Variants in VCAN observed in about 807,000 individuals in gnomAD.
The protein encoded by VCAN is versican core protein.
VCAN carries 44 observed loss-of-function variants against 245.5 expected under a neutral mutation model. The ratio of observed to expected loss-of-function variants is 0.18; its 90% CI spans 0.14 to 0.23. The LOEUF is 0.23. VCAN is among the 10% of genes least tolerant of loss of function. VCAN has a pLI of 1.00. For missense variants in VCAN, 3,793 were observed against 4,057.9 expected, an observed-to-expected ratio of 0.93 and a Z score of 1.77; for synonymous variants, 1,413 against 1,437.0, an observed-to-expected ratio of 0.98 and a Z score of 0.38.
At position 83,540,925 on chromosome 5, in the gene VCAN, ATGTTCTGGCTAGCTACACTCAGG is replaced by A; in HGVS notation, c.7923_7945del (p.Val2642AsnfsTer3). The A allele has an allele frequency of 6.2e-7, 1 of 1,614,002 alleles. No homozygotes were observed. The highest frequency in any genetic ancestry group is 8.5e-7 in the Non-Finnish European group (1 of 1,179,976). ...GAGGAAACATTTGAGGGCTCTGCTGATGTTCTGGCTAGCTACACTCAGGCAACACATGATGAATCAATGACTTA... is the reference window on the plus strand; with the variant it reads ...GAGGAAACATTTGAGGGCTCTGCTGACAACACATGATGAATCAATGACTTA... On this transcript the variant is annotated frameshift_variant, in exon 8 of 15. Transcript: ENST00000265077. LOFTEE classifies it high-confidence loss of function.
At chr5:83,525,333 G>A (rs566555063) in intron 7 of VCAN, among the ~76,000 whole-genome samples, 1 of 151,948 alleles carries the variant, frequency 6.6e-6, no homozygotes, top group African/African-American at 2.4e-5. Context: ...TTATTGAAAG[G>A]CTTTCTTTGT....
chr5:83,518,510 C>T (rs374165272), intron 6 of VCAN, among the ~76,000 whole-genome samples: 1 of 152,178 alleles, frequency 6.6e-6, no homozygotes, highest in Admixed American at 6.5e-5. Flanking sequence ...TACTTTACTT[C>T]CTGTTCTACA....
chr5:83,556,192 G>A, intron 12 of VCAN, among the ~76,000 whole-genome samples: 1 of 152,130 alleles, frequency 6.6e-6, no homozygotes, highest in African/African-American at 2.4e-5. Flanking sequence ...GAGAGGCAAT[G>A]GGTTTTCCTT....
chr5:83,569,464 GGATACA>G (rs1472161276), intron 12 of VCAN, among the ~76,000 whole-genome samples: 1 of 152,050 alleles, frequency 6.6e-6, no homozygotes, highest in Non-Finnish European at 1.5e-5. Context: ...CTGGCACTGA[GGATACA>G]GTAATGAGCA....
intron 2 of VCAN, among the ~76,000 whole-genome samples, chr5:83,484,504 C>T (rs1744726368): frequency 7.2e-6 from 1 of 139,830 alleles, no homozygotes; most frequent in Non-Finnish European, 1.5e-5. Flanking sequence ...TCCATCCATC[C>T]ATCCTTCCAT....
chr5:83,530,737 G>A (rs7732237), intron 7 of VCAN, among the ~76,000 whole-genome samples: 68,586 of 151,922 alleles, frequency 0.45, 16,122 homozygotes, highest in African/African-American at 0.57. Context: ...GCCCAGGTTG[G>A]TGAGGGTGGG....
chr5:83,579,846 AT>A (rs1318728286), intron 13 of VCAN, 133 bp from the exon 14 acceptor site: 14 of 957,874 alleles, frequency 1.5e-5, no homozygotes, highest in Non-Finnish European at 1.9e-5. Context: ...AAAATTTCAT[AT>A]TCTTAATTCT....
chr5:83,541,507 G>A lies in VCAN; in HGVS notation c.8504G>A (p.Ser2835Asn), dbSNP rs1370897749. The A allele has an allele frequency of 6.2e-7, 1 of 1,613,874 alleles. No homozygotes were observed. The highest frequency in any genetic ancestry group is 1.3e-5 in the African/African-American group (1 of 74,914). ...PSSPLTIYSG[S>N]EASGHTEIPQ... is the part of the protein sequence containing the mutation. The stretch of plus-strand genomic sequence containing the variant: ...TCTCCCCTCACTATCTACTCAGGCA[G>A]TGAAGCCTCTGGACACACAGAGATC... Residue 2835 changes from serine to asparagine, a missense_variant, in exon 8 of 15, where the codon AGT becomes AAT. By Grantham distance (46) the Ser-to-Asn change is conservative (BLOSUM62 1). Transcript: ENST00000265077.
At chr5:83,533,434 A>C (rs1482711937) in intron 7 of VCAN, among the ~76,000 whole-genome samples, 1 of 152,120 alleles carries the variant, frequency 6.6e-6, no homozygotes, top group Non-Finnish European at 1.5e-5. Context: ...GGAAGGGGGC[A>C]AGGAGAGACT....
intron 5 of VCAN, among the ~76,000 whole-genome samples, chr5:83,505,726 C>T (rs1745462512): frequency 6.6e-6 from 1 of 152,176 alleles, no homozygotes; most frequent in African/African-American, 2.4e-5. Context: ...TGTCTGGGGG[C>T]TCCAACCCCA....
At position 83,512,360 on chromosome 5, in the gene VCAN, C is replaced by A. The variant is rs1745694348; in HGVS notation, c.1006C>A (p.Pro336Thr). The A allele has an allele frequency of 6.2e-7, 1 of 1,611,454 alleles. No homozygotes were observed. Among genetic ancestry groups the A allele is most frequent in the African/African-American group, 1.3e-5 (1 of 74,864 alleles). ...YRFENQTGFPPPDSRFDAYCF... is the reference protein window; with the variant it reads ...YRFENQTGFPTPDSRFDAYCF... ...TTTTGAGAACCAGACAGGCTTCCCT[C>A]CCCCTGATAGCAGATTTGATGCCTA... The change falls in exon 6 of 15, where the codon CCC becomes ACC. Residue 336 changes from proline (P) to threonine (T), a missense_variant. By Grantham distance (38) the Pro-to-Thr change is conservative (BLOSUM62 -1). This residue lies in a region of VCAN where 190 missense variants were observed against 288.6 expected (regional missense o/e 0.66). Transcript: ENST00000265077.
chr5:83,540,959 T>C lies in VCAN; in HGVS notation c.7956T>C (p.Asp2652=). ...CTAGCTACACTCAGGCAACACATGA[T>C]GAATCAATGACTTATGAAGATAGAA... is the stretch of plus-strand genomic sequence containing the variant. The part of the protein sequence containing the change: ...VLASYTQATH[D]ESMTYEDRSQ... The change falls in exon 8 of 15, where the codon GAT becomes GAC. Residue 2652 remains aspartate, a synonymous_variant. Transcript: ENST00000265077. 6.2e-7 allele frequency: 1 copy of C among 1,614,082 alleles called. No individual in the cohort carries two copies. The highest frequency in any genetic ancestry group is 8.5e-7 in the Non-Finnish European group (1 of 1,179,988).
intron 1 of VCAN, among the ~76,000 whole-genome samples, chr5:83,476,684 G>GT (rs1316690652): frequency 1.8e-4 from 28 of 151,632 alleles, no homozygotes; most frequent in South Asian, 8.3e-4. Context: ...GTGTGTGTGT[G>GT]GGGGGTGCGT....
intron 12 of VCAN, among the ~76,000 whole-genome samples, chr5:83,564,174 A>G (rs1457242809): frequency 1.3e-5 from 2 of 152,158 alleles, no homozygotes; most frequent in Non-Finnish European, 2.9e-5. Context: ...ATCCCAGACA[A>G]TCTTTTATTT....
intron 7 of VCAN, among the ~76,000 whole-genome samples, chr5:83,527,304 T>C (rs1179747152): frequency 6.6e-6 from 1 of 152,170 alleles, no homozygotes; most frequent in African/African-American, 2.4e-5. Context: ...TCCTGTAGAG[T>C]TTTGGAGCAC....
At position 83,490,306 on chromosome 5, in the gene VCAN, T is replaced by A; in HGVS notation, c.279T>A (p.Ile93=). 2 of 1,614,196 alleles carry A rather than the reference T, an allele frequency of 1.2e-6. No individual in the cohort carries two copies. Among genetic ancestry groups the A allele is most frequent in the South Asian group, 2.2e-5 (2 of 91,088 alleles). The change falls in exon 3 of 15, where the codon ATT becomes ATA. Residue 93 remains isoleucine (I), a synonymous_variant. Transcript: ENST00000265077. The part of the protein sequence containing the change: ...VLVAQNGNIK[I]GQDYKGRVSV... ...TGGCCCAAAATGGAAATATCAAGAT[T>A]GGTCAGGACTACAAAGGGAGAGTGT...
Position 83,520,830 on chromosome 5 carries a change from G to A in VCAN, c.2524G>A (p.Asp842Asn). 6.2e-7 allele frequency: 1 copy of A among 1,614,114 alleles called. No homozygotes were observed. The highest frequency in any genetic ancestry group is 1.1e-5 in the South Asian group (1 of 91,076). Residue 842 changes from aspartate (D) to asparagine (N), a missense_variant, in exon 7 of 15, where the codon GAC becomes AAC. Coordinates refer to ENST00000265077, the MANE Select transcript of VCAN (RefSeq NM_004385.5). ...TTVGMNGKDK[D>N]IPSFTEDGAD... ...TGTGGGGATGAATGGAAAGGATAAAGACATCCCAAGTTTCACTGAAGATGG... is the reference window on the plus strand; with the variant it reads ...TGTGGGGATGAATGGAAAGGATAAAAACATCCCAAGTTTCACTGAAGATGG...
At chr5:83,551,929 G>A (rs536098031) in intron 10 of VCAN, among the ~76,000 whole-genome samples, 2 of 152,238 alleles carry the variant, frequency 1.3e-5, no homozygotes, top group South Asian at 4.1e-4. Context: ...AAACCATCTA[G>A]CTGTGTCTTG....
intron 7 of VCAN, among the ~76,000 whole-genome samples, chr5:83,527,672 A>G (rs1246687676): frequency 6.6e-6 from 1 of 152,230 alleles, no homozygotes; most frequent in Non-Finnish European, 1.5e-5. Flanking sequence ...TGCACATATA[A>G]ACACACACAT....
Sources: allele counts gnomAD v4.1 joint callset (sites outside exome capture counted in the v4.1 genomes callset), GRCh38; gene constraint gnomAD v4.1.1; regional missense constraint gnomAD v4.1.1; transcripts MANE v1.5; gene names NCBI Gene and HGNC (gene_info 2026-07-23, HGNC 2026-07-21).